Variants in TRMU observed in about 807,000 individuals in gnomAD.
TRMU encodes tRNA mitochondrial 2-thiouridylase.
TRMU carries 49 observed loss-of-function variants against 46.9 expected under a neutral mutation model. That is an observed-to-expected ratio of 1.05 (90% confidence interval 0.83 to 1.33). The LOEUF is 1.33. Ranked by LOEUF, TRMU falls within the 40% of genes most tolerant of loss-of-function variation. TRMU has a pLI of 0.00. For synonymous variants in TRMU, 241 were observed against 200.9 expected, an observed-to-expected ratio of 1.20 and a Z score of -1.69; for missense variants, 572 against 532.4, an observed-to-expected ratio of 1.07 and a Z score of -0.73.
rs771569222 is a variant in TRMU at position 46,350,183 on chromosome 22, C to A, written c.479-108C>A. On this transcript the variant is annotated intron_variant, in intron 4 of 10. Coordinates refer to ENST00000645190, the MANE Select transcript of TRMU (RefSeq NM_018006.5). The surrounding 1 kb of genome is among the most constrained non-coding windows in gnomAD (Gnocchi z 4.6). ...GTTGCTATTGAGTGTTGATGTCTGC[C>A]TCTGACAGGCTAGGGGTAGTCTGTC... 3 of 1,377,510 alleles carry A rather than the reference C, an allele frequency of 2.2e-6. No individual in the cohort carries two copies. The highest frequency in any genetic ancestry group is 3.1e-6 in the Non-Finnish European group (3 of 978,562). 85.3% of individuals were successfully genotyped at this position (1,377,510 alleles called of 1,614,324 possible).
rs150128284 is a variant in TRMU at position 46,355,522 on chromosome 22, C to T, written c.952C>T (p.Pro318Ser). 1.7e-4 allele frequency: 281 copies of T among 1,613,158 alleles called. 1 individual carries two copies. Among genetic ancestry groups the T allele is most frequent in the Non-Finnish European group, 2.3e-4 (269 of 1,180,034 alleles). The change falls in exon 9 of 11, where the codon CCC becomes TCC. Residue 318 changes from proline (P) to serine (S), a missense_variant. By Grantham distance (74) the Pro-to-Ser change is moderately conservative (BLOSUM62 -1). Transcript: ENST00000645190. ...CGTGCACTGGATTGCGGAGGAGCCT[C>T]CCGCAGCACTGGTCCGGGACAAGAT... ...SRVHWIAEEP[P>S]AALVRDKMME...
chr22:46,347,968 C>T lies in TRMU; in HGVS notation c.478+1424C>T, dbSNP rs1233113666. Among the ~76,000 whole-genome samples the T allele has an allele frequency of 1.3e-5, 2 of 152,202 alleles. No homozygotes were observed. On this transcript the variant is annotated intron_variant, in intron 4 of 10. Transcript: ENST00000645190. The surrounding 1 kb of genome is among the most constrained non-coding windows in gnomAD (Gnocchi z 5.0). ...CTCTGTTCCCTCCTCGCCTTCCTTCCTTATGCCACAGGGTGATCAGGTAAC... is the reference window on the plus strand; with the variant it reads ...CTCTGTTCCCTCCTCGCCTTCCTTCTTTATGCCACAGGGTGATCAGGTAAC...
intron 10 of TRMU, 36 bp downstream of exon 10, chr22:46,356,108 G>C (rs1165668838): frequency 6.2e-7 from 1 of 1,611,438 alleles, no homozygotes; most frequent in Non-Finnish European, 8.5e-7. Flanking sequence ...GGGGAGGACT[G>C]TACTGCTCTG....
At chr22:46,355,375 G>C (rs142201817) in intron 8 of TRMU, 69 bp from the exon 9 acceptor site, 2 of 1,586,402 alleles carry the variant, frequency 1.3e-6, no homozygotes, top group African/African-American at 2.7e-5. Context: ...TGTTCCCAGG[G>C]ACCACACTGA....
chr22:46,353,956 C>A (rs996836057), intron 8 of TRMU, 89 bp downstream of exon 8: 18 of 1,237,942 alleles, frequency 1.5e-5, no homozygotes, highest in Non-Finnish European at 2.1e-5. Context: ...AGGCCTCCAG[C>A]AGCCGTGGCT....
At chr22:46,353,039 G>A (rs565211417) in intron 7 of TRMU, 2 of 162,644 alleles carry the variant, frequency 1.2e-5, no homozygotes, top group African/African-American at 4.8e-5. Context: ...AATTGCACTT[G>A]GAGATCTTCC....
chr22:46,345,470 G>A (rs1445714733), intron 3 of TRMU, among the ~76,000 whole-genome samples: 1 of 152,200 alleles, frequency 6.6e-6, no homozygotes, highest in Non-Finnish European at 1.5e-5. Context: ...AAGAAACAGT[G>A]TGCTGGATGA....
chr22:46,338,844 C>CT lies in TRMU; in HGVS notation c.248+900_248+901insT, dbSNP rs2078048079. ...GGCGTCTGACACAGCAGGCCATGTG[C>CT]GCGGGACAGGCTGCCCCTGCCTGAG... On this transcript the variant is annotated intron_variant, in intron 2 of 10. Coordinates refer to ENST00000645190, the MANE Select transcript of TRMU (RefSeq NM_018006.5). This position sits in a 1 kb window ranked among gnomAD's most constrained non-coding sequence, Gnocchi z 4.5. 6.6e-6 allele frequency among the ~76,000 whole-genome samples: 1 copy of CT among 152,148 alleles called. No homozygotes were observed. Among genetic ancestry groups the CT allele is most frequent in the African/African-American group, 2.4e-5 (1 of 41,416 alleles).
chr22:46,355,755 CGAGGCCTGGGGGTGCTGG>C, intron 9 of TRMU, 167 bp downstream of exon 9: 1 of 1,273,614 alleles, frequency 7.9e-7, no homozygotes, highest in East Asian at 2.5e-5. Context: ...CTGCCCTGAG[CGAGGCCTGGGGGTGCTGG>C]GAGCAGATGC....
At position 46,336,074 on chromosome 22, in the gene TRMU, G is replaced by C; in HGVS notation, c.82+228G>C. The C allele has an allele frequency of 7.2e-7, 1 of 1,389,246 alleles. No homozygotes were observed. The highest frequency in any genetic ancestry group is 1.6e-5 in the South Asian group (1 of 63,414). 86.1% of individuals were successfully genotyped at this position (1,389,246 alleles called of 1,614,324 possible). On this transcript the variant is annotated intron_variant, in intron 1 of 10. Coordinates refer to ENST00000645190, the MANE Select transcript of TRMU (RefSeq NM_018006.5). This position sits in a 1 kb window ranked among gnomAD's most constrained non-coding sequence, Gnocchi z 4.1. ...GCTCCGACTACCTGGGAGCAGTTCC[G>C]CGCCCCTCTCCACCCACGCGCGCCC...
In TRMU at chr22:46,350,465, T is replaced by C. The variant is rs746814315; in HGVS notation, c.651+2T>C. 2 of 1,613,190 alleles carry C rather than the reference T, an allele frequency of 1.2e-6. No homozygotes were observed. Among genetic ancestry groups the C allele is most frequent in the Non-Finnish European group, 1.7e-6 (2 of 1,179,944 alleles). The stretch of plus-strand genomic sequence containing the variant: ...CATCATGTGCTTCAGAAGAAAGAGG[T>C]ACGAGTGAGCAGTTGCCTTTGATTA... On this transcript the variant is annotated splice_donor_variant, in intron 5 of 10. Transcript: ENST00000645190. LOFTEE classifies it high-confidence loss of function. The surrounding 1 kb of genome is among the most constrained non-coding windows in gnomAD (Gnocchi z 4.6).
In TRMU at chr22:46,336,134, T is replaced by G. The variant is rs569753849; in HGVS notation, c.82+288T>G. The G allele has an allele frequency of 3.0e-6, 4 of 1,326,074 alleles. No individual in the cohort carries two copies. The highest frequency in any genetic ancestry group is 3.1e-5 in the African/African-American group (2 of 63,832). 82.1% of individuals were successfully genotyped at this position (1,326,074 alleles called of 1,614,324 possible). A position where few individuals can be genotyped will look rare whatever the true frequency, so the allele number is the denominator to read the frequency against. On this transcript the variant is annotated intron_variant, in intron 1 of 10. Coordinates refer to ENST00000645190, the MANE Select transcript of TRMU (RefSeq NM_018006.5). This position sits in a 1 kb window ranked among gnomAD's most constrained non-coding sequence, Gnocchi z 4.1. ...GAGAAGCCGGCGGGCCGGGGTGGGG[T>G]GGGGAGGGAAGGGTTTCTCACGGAT...
intron 1 of TRMU, 106 bp from the exon 2 acceptor site, chr22:46,337,673 G>GGCACAGGA: frequency 6.8e-7 from 1 of 1,460,996 alleles, no homozygotes; most frequent in East Asian, 2.4e-5. Context: ...CAGGCACAGA[G>GGCACAGGA]GCACAGGAGC....
At chr22:46,353,241 C>T (rs143779035) in intron 7 of TRMU, 26 of 181,812 alleles carry the variant, frequency 1.4e-4, no homozygotes, top group Admixed American at 4.8e-4. Context: ...AGAAGGCTGC[C>T]GGCCCAGGCC....
Position 46,353,881 on chromosome 22 carries a change from C to T in TRMU, c.873+14C>T, listed in dbSNP as rs1376171708. 6.2e-7 allele frequency: 1 copy of T among 1,611,864 alleles called. No homozygotes were observed. The highest frequency in any genetic ancestry group is 1.3e-5 in the African/African-American group (1 of 74,872). Reference sequence around the variant, plus strand: ...GACGTGTTTGTGGTGAGTGGGCCGGCCTCTGAGACAGCACTGGGGCTGGTT... The same window carrying T: ...GACGTGTTTGTGGTGAGTGGGCCGGTCTCTGAGACAGCACTGGGGCTGGTT... On this transcript the variant is annotated intron_variant, in intron 8 of 10. Coordinates refer to ENST00000645190, the MANE Select transcript of TRMU (RefSeq NM_018006.5).
chr22:46,356,053 G>A lies in TRMU; in HGVS notation c.1082G>A (p.Arg361His), dbSNP rs780314819. ...TGGGTGACAGCTGTGCAGGCTGTGC[G>A]TGCCCTTGCCACAGGACAGGTGCGT... is the stretch of plus-strand genomic sequence containing the variant. Reference protein sequence around the residue: ...TVWVTAVQAVRALATGQFAVF... With the variant: ...TVWVTAVQAVHALATGQFAVF... The change falls in exon 10 of 11, where the codon CGT (arginine) becomes CAT (histidine). Residue 361 changes from arginine to histidine, a missense_variant. By Grantham distance (29) the Arg-to-His change is conservative (BLOSUM62 0). Coordinates refer to ENST00000645190, the MANE Select transcript of TRMU (RefSeq NM_018006.5). 2.7e-5 allele frequency: 44 copies of A among 1,613,762 alleles called. No individual in the cohort carries two copies. The highest frequency in any genetic ancestry group is 1.8e-4 in the Admixed American group (11 of 60,008).
At position 46,353,797 on chromosome 22, in the gene TRMU, C is replaced by CA. The variant is rs1206163048; in HGVS notation, c.806dup (p.Asn269LysfsTer20). The CA allele has an allele frequency of 3.1e-6, 5 of 1,613,712 alleles. No individual in the cohort carries two copies. Among genetic ancestry groups the CA allele is most frequent in the Non-Finnish European group, 4.2e-6 (5 of 1,179,784 alleles). On this transcript the variant is annotated frameshift_variant, in exon 8 of 11. Coordinates refer to ENST00000645190, the MANE Select transcript of TRMU (RefSeq NM_018006.5). LOFTEE classifies it high-confidence loss of function. ...TTCCTGTATACCTTGGGCCAGAGAG[C>CA]AAACATAGGTGGCCTGAGAGAGCCC...
intron 3 of TRMU, among the ~76,000 whole-genome samples, chr22:46,345,643 C>T (rs1005054986): frequency 1.3e-5 from 2 of 152,230 alleles, no homozygotes; most frequent in Non-Finnish European, 2.9e-5. Flanking sequence ...TACATCCTCG[C>T]CCTGCTGAAC....
In TRMU at chr22:46,339,591, G is replaced by A. The variant is rs2078068394; in HGVS notation, c.248+1647G>A. Among the ~76,000 whole-genome samples the A allele has an allele frequency of 6.6e-6, 1 of 152,138 alleles. No individual in the cohort carries two copies. The highest frequency in any genetic ancestry group is 6.5e-5 in the Admixed American group (1 of 15,276). ...GTACAATGTCCACTGCTTGGGTGACGGGTACACCAAAATCTCAGAAGTCAC... is the reference window on the plus strand; with the variant it reads ...GTACAATGTCCACTGCTTGGGTGACAGGTACACCAAAATCTCAGAAGTCAC... On this transcript the variant is annotated intron_variant, in intron 2 of 10. Transcript: ENST00000645190. This position sits in a 1 kb window ranked among gnomAD's most constrained non-coding sequence, Gnocchi z 4.8.
Sources: gnomAD v4.1 joint callset for allele counts (sites outside exome capture counted in the v4.1 genomes callset) on GRCh38, gnomAD v4.1.1 for gene constraint, Gnocchi (gnomAD v3.1) non-coding constraint, MANE v1.5 for transcripts, NCBI Gene and HGNC (gene_info 2026-07-23, HGNC 2026-07-21) for gene names.